Variants in HUWE1 observed in about 807,000 individuals in gnomAD.
The protein encoded by HUWE1 is E3 ubiquitin-protein ligase HUWE1.
HUWE1 carries 18 observed loss-of-function variants against 299.4 expected under a neutral mutation model. The observed-to-expected ratio is 0.06, with a 90% confidence interval of 0.04 to 0.09. The LOEUF (loss-of-function observed/expected upper bound fraction) is 0.09. HUWE1 is among the 10% of genes least tolerant of loss of function. The pLI is 1.00. For synonymous variants in HUWE1, 1,317 were observed against 1,286.1 expected (o/e 1.02, Z -0.51); for missense variants, 1,832 against 3,462.3 (o/e 0.53, Z 11.82).
intron 49 of HUWE1, among the ~76,000 whole-genome samples, chrX:53,567,988 G>A (rs2062648507): frequency 1.8e-5 from 2 of 111,929 alleles, no homozygotes; most frequent in African/African-American, 6.5e-5. Flanking sequence ...ACACTGCAAG[G>A]AAGCAACTGC....
chrX:53,651,969 C>A (rs190127671), intron 4 of HUWE1, among the ~76,000 whole-genome samples: 1 of 111,825 alleles, frequency 8.9e-6, no homozygotes, highest in South Asian at 3.7e-4. Context: ...TAAGGAACTC[C>A]TGCAACTCAA....
chrX:53,630,949 G>A lies in HUWE1; in HGVS notation c.848C>T (p.Ala283Val). 1 of 1,151,178 alleles carries A rather than the reference G, an allele frequency of 8.7e-7. No homozygotes were observed. The highest frequency in any genetic ancestry group is 1.2e-6 in the Non-Finnish European group (1 of 840,352). 94.9% of individuals were successfully genotyped at this position (1,151,178 alleles called of 1,213,427 possible). A position where few individuals can be genotyped will look rare whatever the true frequency, so the allele number is the denominator to read the frequency against. ...RLQAVQARLHAISILVYSNAL... is the reference protein window; with the variant it reads ...RLQAVQARLHVISILVYSNAL... ...TCTTCTCTTACCTAATATAGATATT[G>A]CATGCAGTCTGGCCTGAACTGCCTG... Residue 283 changes from alanine (A) to valine (V), a missense_variant, in exon 12 of 84, where the codon GCA becomes GTA. Ala to Val is a moderately conservative substitution (Grantham distance 64). Coordinates refer to ENST00000262854, the MANE Select transcript of HUWE1 (RefSeq NM_031407.7).
At chrX:53,593,990 G>A (rs2064309335) in intron 31 of HUWE1, among the ~76,000 whole-genome samples, 1 of 110,653 alleles carries the variant, frequency 9.0e-6, no homozygotes, top group Non-Finnish European at 1.9e-5. Flanking sequence ...CCAGCTACTC[G>A]GGAGGCTGAG....
intron 37 of HUWE1, 69 bp downstream of exon 37, chrX:53,588,313 T>C (rs1338564011): frequency 9.3e-7 from 1 of 1,080,676 alleles, no homozygotes; most frequent in East Asian, 3.1e-5. Context: ...CTTCAATGCC[T>C]CATATATGTT....
chrX:53,644,893 C>T (rs928937470), intron 7 of HUWE1, among the ~76,000 whole-genome samples: 8 of 111,793 alleles, frequency 7.2e-5, no homozygotes, highest in Non-Finnish European at 1.5e-4. Flanking sequence ...ACTGAGTACC[C>T]CACAATTCAT....
In HUWE1 at chrX:53,552,767, G is replaced by A. The variant is rs372523003; in HGVS notation, c.8621C>T (p.Thr2874Ile). 8 of 1,210,184 alleles carry A rather than the reference G, an allele frequency of 6.6e-6. No homozygotes were observed. Among genetic ancestry groups the A allele is most frequent in the Non-Finnish European group, 7.8e-6 (7 of 895,321 alleles). ...SCTLEEAVGD[T>I]SAAGSSEQPR... is the part of the protein sequence containing the mutation. ...CTGCTCAGAACTGCCAGCTGCTGAA[G>A]TGTCACCCACAGCCTCCTCTAAGGT... is the stretch of plus-strand genomic sequence containing the variant. Residue 2874 changes from threonine (T) to isoleucine (I), a missense_variant, in exon 62 of 84, where the codon ACT (threonine) becomes ATT (isoleucine). Thr to Ile is a moderately conservative substitution (Grantham distance 89). Transcript: ENST00000262854.
intron 42 of HUWE1, among the ~76,000 whole-genome samples, chrX:53,582,156 A>C (rs1414456973): frequency 8.9e-6 from 1 of 112,615 alleles, no homozygotes; most frequent in Non-Finnish European, 1.9e-5. Context: ...TAATTTACCT[A>C]AAGTTAAAAC....
In HUWE1 at chrX:53,686,636, G is replaced by GGCCCTGCTTCA. The variant is rs201999836; in HGVS notation, c.-321_-311dup. The GGCCCTGCTTCA allele has an allele frequency of 3.3e-3, 309 of 94,558 alleles. 1 individual carries two copies. Among genetic ancestry groups the GGCCCTGCTTCA allele is most frequent in the Middle Eastern group, 0.012 (2 of 163 alleles). 7.8% of individuals were successfully genotyped at this position (94,558 alleles called of 1,213,427 possible). On this transcript the variant is annotated 5_prime_UTR_variant, in exon 1 of 84. Coordinates refer to ENST00000262854, the MANE Select transcript of HUWE1 (RefSeq NM_031407.7). ...GCCCGCAGGAGCGTGCGGGGTCCGC[G>GGCCCTGCTTCA]GCCCTGCTTCAGCCCTGCTTCAGCC...
intron 4 of HUWE1, among the ~76,000 whole-genome samples, chrX:53,653,263 C>T (rs2068576712): frequency 8.9e-6 from 1 of 112,279 alleles, no homozygotes; most frequent in African/African-American, 3.2e-5. Flanking sequence ...CTTGTATTTA[C>T]GATATGAACT....
chrX:53,641,843 G>T (rs782282520), intron 7 of HUWE1, among the ~76,000 whole-genome samples: 22 of 111,389 alleles, frequency 2.0e-4, no homozygotes, highest in Non-Finnish European at 3.0e-4. Context: ...AATGTTACTT[G>T]TCTCTATTTA....
Position 53,629,689 on chromosome X carries a change from G to C in HUWE1, c.863-73C>G, listed in dbSNP as rs1003917302. ...CCACTGCCCAATAACAAACTTTTTG[G>C]TATCTATAGGTTCTGGGGAAGAATT... On this transcript the variant is annotated intron_variant, in intron 12 of 83. Transcript: ENST00000262854. 1.1e-5 allele frequency: 7 copies of C among 625,456 alleles called. No homozygotes were observed. In the East Asian group the frequency reaches 2.3e-4, roughly 20 times the overall value. 51.5% of individuals were successfully genotyped at this position (625,456 alleles called of 1,213,427 possible).
intron 66 of HUWE1, among the ~76,000 whole-genome samples, chrX:53,549,869 C>T (rs1163882131): frequency 9.2e-6 from 1 of 109,200 alleles, no homozygotes; most frequent in African/African-American, 3.3e-5. Flanking sequence ...TCTCGTGCCT[C>T]AGCCTCCCGA....
intron 24 of HUWE1, 94 bp from the exon 25 acceptor site, chrX:53,607,793 A>G (rs2065226542): frequency 7.1e-6 from 4 of 567,133 alleles, no homozygotes; most frequent in Non-Finnish European, 1.2e-5. Flanking sequence ...TCTAGTCATG[A>G]TATTAGTGTT....
chrX:53,662,333 A>G (rs933436340), intron 3 of HUWE1, among the ~76,000 whole-genome samples: 2 of 111,587 alleles, frequency 1.8e-5, no homozygotes, highest in Admixed American at 1.9e-4. Flanking sequence ...TGTTTCCTCA[A>G]CTGTGTAATT....
chrX:53,592,458 T>A lies in HUWE1; in HGVS notation c.3912A>T (p.Thr1304=), dbSNP rs145051649. 8.3e-7 allele frequency: 1 copy of A among 1,211,115 alleles called. No homozygotes were observed. The highest frequency in any genetic ancestry group is 3.0e-5 in the East Asian group (1 of 33,824). ...EKEGSRGEED[T]GQEEGGSRRE... ...GGCGGGAGCCACCTTCCTCTTGCCCTGTATCCTCTTCTCCTCGAGACCCCT... is the reference window on the plus strand; with the variant it reads ...GGCGGGAGCCACCTTCCTCTTGCCCAGTATCCTCTTCTCCTCGAGACCCCT... Residue 1304 remains threonine (T), a synonymous_variant, in exon 33 of 84, where the codon ACA becomes ACT. Coordinates refer to ENST00000262854, the MANE Select transcript of HUWE1 (RefSeq NM_031407.7).
At chrX:53,628,464 T>G (rs1313680349) in intron 15 of HUWE1, 29 bp downstream of exon 15, 3 of 1,053,362 alleles carry the variant, frequency 2.8e-6, no homozygotes, top group Non-Finnish European at 3.7e-6. Context: ...CCATGTAGTT[T>G]AAAAAAAAAA....
chrX:53,675,252 G>C (rs781896261), intron 3 of HUWE1, among the ~76,000 whole-genome samples: 2 of 111,516 alleles, frequency 1.8e-5, no homozygotes, highest in Admixed American at 1.9e-4. Flanking sequence ...CAGGTGTACA[G>C]GCCCATCTAA....
chrX:53,573,415 T>C (rs143739123), intron 47 of HUWE1, among the ~76,000 whole-genome samples: 2 of 111,956 alleles, frequency 1.8e-5, no homozygotes, highest in East Asian at 5.6e-4. Context: ...GTGATTCCCT[T>C]GCCTCAGCCT....
chrX:53,544,927 G>T lies in HUWE1; in HGVS notation c.11048+102C>A. 1 of 1,026,890 alleles carries T rather than the reference G, an allele frequency of 9.7e-7. No individual in the cohort carries two copies. The highest frequency in any genetic ancestry group is 2.0e-5 in the South Asian group (1 of 51,200). 84.6% of individuals were successfully genotyped at this position (1,026,890 alleles called of 1,213,427 possible). On this transcript the variant is annotated intron_variant, in intron 71 of 83. Coordinates refer to ENST00000262854, the MANE Select transcript of HUWE1 (RefSeq NM_031407.7). Reference sequence around the variant, plus strand: ...GGTCAAGTGTGTATAGGAAAGATACGAAAATCACCCAGAGAAATAAAAAAG... The same window carrying T: ...GGTCAAGTGTGTATAGGAAAGATACTAAAATCACCCAGAGAAATAAAAAAG...
Sources: gnomAD v4.1 joint callset for allele counts (sites outside exome capture counted in the v4.1 genomes callset) on GRCh38, gnomAD v4.1.1 for gene constraint, MANE v1.5 for transcripts, NCBI Gene and HGNC (gene_info 2026-07-23, HGNC 2026-07-21) for gene names.